The following CDH18 variants were observed in gnomAD, a reference collection of about 807,000 sequenced individuals.
CDH18 encodes cadherin 18.
In CDH18, 31 loss-of-function variants were observed where a neutral mutation model predicts 67.9. The observed-to-expected ratio is 0.46, with a 90% CI of 0.34 to 0.62. The LOEUF (loss-of-function observed/expected upper bound fraction) is 0.62. Ranked by LOEUF, CDH18 falls within the 20% of genes least tolerant of loss-of-function variation. The pLI is 0.01. For synonymous variants in CDH18, 362 were observed against 347.2 expected (o/e 1.04, Z -0.48); for missense variants, 890 against 975.5 (o/e 0.91, Z 1.17).
At chr5:19,905,630 T>A (rs1459204045) in intron 2 of CDH18, among the ~76,000 whole-genome samples, 2 of 152,026 alleles carry the variant, frequency 1.3e-5, no homozygotes, top group Non-Finnish European at 2.9e-5. Flanking sequence ...ATGATAATAT[T>A]ATTTTTTTAC....
At chr5:20,244,321 A>C (rs1023022155) in intron 2 of CDH18, among the ~76,000 whole-genome samples, 1 of 152,116 alleles carries the variant, frequency 6.6e-6, no homozygotes, top group African/African-American at 2.4e-5. Context: ...TGTTCTGTTC[A>C]AAAAACTATT....
chr5:20,007,716 T>TGC (rs55721705), intron 2 of CDH18, among the ~76,000 whole-genome samples: 1 of 146,480 alleles, frequency 6.8e-6, no homozygotes, highest in Admixed American at 6.8e-5. Context: ...TGTGTGTGTG[T>TGC]CATAAGTCAT....
rs759876024 is a variant in CDH18 at position 19,520,757 on chromosome 5, T to C, written c.1412A>G (p.His471Arg). 13 of 1,613,142 alleles carry C rather than the reference T, an allele frequency of 8.1e-6. No individual in the cohort carries two copies. The highest frequency in any genetic ancestry group is 1.1e-5 in the South Asian group (1 of 90,958). Residue 471 changes from histidine (H) to arginine (R), a missense_variant, in exon 10 of 13, where the codon CAT (histidine) becomes CGT (arginine). Transcript: ENST00000382275. ...SEIDNPDLLS[H>R]VTVGIRVLDV... ...CAGAACTCTAATACCCACTGTGACATGGCTCAGCAAATCAGGATTATCTGC... is the reference window on the plus strand; with the variant it reads ...CAGAACTCTAATACCCACTGTGACACGGCTCAGCAAATCAGGATTATCTGC...
chr5:20,118,073 C>G lies in CDH18; in HGVS notation c.-517-126059G>C, dbSNP rs113816637. ...TATGCAAATAATTCCCAGAAAGAAT[C>G]AACTTCTTAGGAAGAATTATAAAAA... On this transcript the variant is annotated intron_variant, in intron 2 of 14. Transcript: ENST00000507958. 2.2e-3 allele frequency among the ~76,000 whole-genome samples: 342 copies of G among 152,216 alleles called. 1 individual carries two copies. The highest frequency in any genetic ancestry group is 7.7e-3 in the African/African-American group (320 of 41,560).
At chr5:19,883,228 G>A (rs568406873) in intron 2 of CDH18, among the ~76,000 whole-genome samples, 7 of 152,214 alleles carry the variant, frequency 4.6e-5, no homozygotes, top group South Asian at 2.1e-4. Context: ...GGAATCTAAC[G>A]TTAGGAAGCT....
intron 5 of CDH18, among the ~76,000 whole-genome samples, chr5:19,709,719 G>GAAAA (rs1164715157): frequency 6.6e-6 from 1 of 151,232 alleles, no homozygotes; most frequent in Non-Finnish European, 1.5e-5. Flanking sequence ...GAAAAGAAAA[G>GAAAA]AAAAAAAGAA....
At chr5:20,328,372 C>T (rs1007377961) in intron 1 of CDH18, among the ~76,000 whole-genome samples, 2 of 152,016 alleles carry the variant, frequency 1.3e-5, no homozygotes, top group African/African-American at 4.8e-5. Flanking sequence ...ACAGCATGTC[C>T]TGCTGGATCT....
intron 6 of CDH18, among the ~76,000 whole-genome samples, chr5:19,612,034 T>A (rs1383258168): frequency 6.6e-6 from 1 of 151,208 alleles, no homozygotes; most frequent in Non-Finnish European, 1.5e-5. Flanking sequence ...ACATGAAGAA[T>A]TTTTTTAAAA....
chr5:20,527,817 C>T (rs1250693113), intron 1 of CDH18, among the ~76,000 whole-genome samples: 5 of 152,024 alleles, frequency 3.3e-5, no homozygotes, highest in Non-Finnish European at 7.4e-5. Context: ...CAGTGAAGTA[C>T]ACAGGCCAAT....
intron 2 of CDH18, among the ~76,000 whole-genome samples, chr5:20,134,417 A>C (rs1316088720): frequency 6.6e-6 from 1 of 152,180 alleles, no homozygotes; most frequent in Non-Finnish European, 1.5e-5. Context: ...TCTACTTATT[A>C]AGCAGTTCTC....
intron 2 of CDH18, among the ~76,000 whole-genome samples, chr5:20,045,056 A>G (rs931539668): frequency 2.0e-5 from 3 of 152,146 alleles, no homozygotes; most frequent in Non-Finnish European, 1.5e-5. Flanking sequence ...GATTTTCTCT[A>G]TCAGCATTAC....
chr5:20,310,941 A>G (rs1174055000), intron 1 of CDH18, among the ~76,000 whole-genome samples: 1 of 152,124 alleles, frequency 6.6e-6, no homozygotes, highest in Non-Finnish European at 1.5e-5. Context: ...TCCAGTAACG[A>G]CCAAATATAT....
chr5:20,454,348 AG>A (rs1252206126), intron 1 of CDH18, among the ~76,000 whole-genome samples: 3 of 151,758 alleles, frequency 2.0e-5, no homozygotes, highest in African/African-American at 7.3e-5. Flanking sequence ...ATTTTTTTTC[AG>A]GGGAACAAGG....
At chr5:19,947,636 G>A (rs983235767) in intron 2 of CDH18, among the ~76,000 whole-genome samples, 3 of 141,330 alleles carry the variant, frequency 2.1e-5, no homozygotes, top group South Asian at 2.4e-4. Flanking sequence ...TGGCGCCTGC[G>A]CCTGCACTCC....
rs775170938 is a variant in CDH18, at chr5:19,503,830, C to T, written c.1513-721G>A. Among the ~76,000 whole-genome samples, 56 of 151,994 alleles carry T rather than the reference C, an allele frequency of 3.7e-4. 1 individual carries two copies. Among genetic ancestry groups the T allele is most frequent in the Admixed American group, 3.2e-3 (49 of 15,232 alleles). Reference sequence around the variant, plus strand: ...TTTCAATAGGTATGGCCAGTCTGCTCTTAAAAAATAAATATCAAAATAAAC... The same window carrying T: ...TTTCAATAGGTATGGCCAGTCTGCTTTTAAAAAATAAATATCAAAATAAAC... On this transcript the variant is annotated intron_variant, in intron 10 of 12. Transcript: ENST00000382275.
intron 1 of CDH18, among the ~76,000 whole-genome samples, chr5:20,483,894 C>T (rs1322721393): frequency 2.0e-5 from 3 of 151,884 alleles, no homozygotes; most frequent in South Asian, 4.1e-4. Context: ...GAGAAATACC[C>T]CACAAGCATA....
rs190364374 is a variant in CDH18, at chr5:20,471,093, T to G, written c.-580+104369A>C. Reference sequence around the variant, plus strand: ...TTCTCTATCTCTCTTAAACTTAAAGTGGGTATTCTTCTCCTGTACTCTATT... The same window carrying G: ...TTCTCTATCTCTCTTAAACTTAAAGGGGGTATTCTTCTCCTGTACTCTATT... On this transcript the variant is annotated intron_variant, in intron 1 of 14. Transcript: ENST00000507958. 2.0e-5 allele frequency among the ~76,000 whole-genome samples: 3 copies of G among 152,294 alleles called. No individual in the cohort carries two copies. In the East Asian group the frequency reaches 5.8e-4, roughly 29 times the overall value.
At chr5:20,390,282 A>G (rs1251889523) in intron 1 of CDH18, among the ~76,000 whole-genome samples, 1 of 152,226 alleles carries the variant, frequency 6.6e-6, no homozygotes, top group East Asian at 1.9e-4. Context: ...GAACTCAAAC[A>G]AATTTACAAG....
chr5:19,660,278 A>G (rs565682152), intron 5 of CDH18, among the ~76,000 whole-genome samples: 4 of 152,250 alleles, frequency 2.6e-5, no homozygotes, highest in Admixed American at 2.6e-4. Flanking sequence ...TTCAGTTTCT[A>G]TAAGTAGTTT....
Sources: allele counts gnomAD v4.1 joint callset (sites outside exome capture counted in the v4.1 genomes callset), GRCh38; gene constraint gnomAD v4.1.1; transcripts MANE v1.5; gene names NCBI Gene and HGNC (gene_info 2026-07-23, HGNC 2026-07-21).